MTDH: variants seen among roughly 807,000 people sequenced by gnomAD.
MTDH encodes the protein metadherin, also known as protein LYRIC.
Under a neutral mutation model 72.7 loss-of-function variants are expected in MTDH, and 34 were observed. That is an observed-to-expected ratio of 0.47 (90% CI 0.36 to 0.62). MTDH has a LOEUF of 0.62. Ranked by LOEUF, MTDH falls within the 20% of genes least tolerant of loss-of-function variation. MTDH has a pLI of 0.00. For synonymous variants in MTDH, 266 were observed against 268.9 expected (o/e 0.99, Z 0.10); for missense variants, 677 against 699.4 (o/e 0.97, Z 0.36).
chr8:97,644,716 C>G lies in MTDH; in HGVS notation c.210C>G (p.Gly70=). ...TGCTGCTGTTTCTGCTGGGCTACGG[C>G]TGGGCCGCGGCTTGCGCCGGCGCCC... ...GLLLLFLLGY[G]WAAACAGARK... Residue 70 remains glycine, a synonymous_variant, in exon 1 of 12, where the codon GGC becomes GGG. Coordinates refer to ENST00000336273, the MANE Select transcript of MTDH (RefSeq NM_178812.4). The G allele has an allele frequency of 6.3e-7, 1 of 1,591,280 alleles. No individual in the cohort carries two copies. The highest frequency in any genetic ancestry group is 8.5e-7 in the Non-Finnish European group (1 of 1,172,746).
chr8:97,649,949 ATTTCTTTTCT>A (rs752818540), intron 1 of MTDH, among the ~76,000 whole-genome samples: 24 of 143,564 alleles, frequency 1.7e-4, no homozygotes, highest in East Asian at 2.2e-4. Context: ...CTCTCTACCA[ATTTCTTTTCT>A]TTTCTTTTCT....
intron 2 of MTDH, among the ~76,000 whole-genome samples, chr8:97,682,591 G>T (rs561525831): frequency 1.2e-4 from 18 of 151,422 alleles, no homozygotes; most frequent in African/African-American, 4.1e-4. Context: ...GTGAGCCACC[G>T]CACCTGGCCT....
chr8:97,667,216 C>G (rs765423558), intron 2 of MTDH, among the ~76,000 whole-genome samples: 21 of 152,326 alleles, frequency 1.4e-4, no homozygotes, highest in Non-Finnish European at 2.4e-4. Flanking sequence ...AACTCCTCAG[C>G]TCAAAGCAGT....
chr8:97,673,635 G>A (rs1812722715), intron 2 of MTDH, among the ~76,000 whole-genome samples: 1 of 151,622 alleles, frequency 6.6e-6, no homozygotes, highest in South Asian at 2.1e-4. Flanking sequence ...ACTCCAGCCT[G>A]GGCAACAAGA....
Position 97,653,544 on chromosome 8 carries a change from G to A in MTDH, c.382-7528G>A, listed in dbSNP as rs117046941. ...CTTTTCATTCTGCCAGAGGCCTAAC[G>A]TAAAAGACCTTTAACAGTTCTGACA... On this transcript the variant is annotated intron_variant, in intron 1 of 11. Coordinates refer to ENST00000336273, the MANE Select transcript of MTDH (RefSeq NM_178812.4). 3.5e-4 allele frequency among the ~76,000 whole-genome samples: 53 copies of A among 152,266 alleles called. No individual in the cohort carries two copies. In the East Asian group the frequency reaches 8.9e-3, roughly 25 times the overall value.
intron 2 of MTDH, among the ~76,000 whole-genome samples, chr8:97,669,556 G>A (rs1812529050): frequency 6.6e-6 from 1 of 150,864 alleles, no homozygotes; most frequent in African/African-American, 2.4e-5. Flanking sequence ...CAGTCCCCCT[G>A]CAACTACTAA....
intron 6 of MTDH, among the ~76,000 whole-genome samples, chr8:97,693,026 C>T (rs1281746918): frequency 1.3e-5 from 2 of 152,138 alleles, no homozygotes; most frequent in African/African-American, 4.8e-5. Flanking sequence ...GCCACCACAC[C>T]TGGCCATGTT....
chr8:97,681,829 C>T lies in MTDH; in HGVS notation c.484-4839C>T, dbSNP rs560792736. Among the ~76,000 whole-genome samples, 9 of 152,080 alleles carry T rather than the reference C, an allele frequency of 5.9e-5. No homozygotes were observed. In the South Asian group the frequency reaches 1.9e-3, roughly 32 times the overall value. On this transcript the variant is annotated intron_variant, in intron 2 of 11. Coordinates refer to ENST00000336273, the MANE Select transcript of MTDH (RefSeq NM_178812.4). ...TCCTAATGTCTCACTTGCGTGTCATCCTCCTATTAGATGATAGCGCAGTTG... is the reference window on the plus strand; with the variant it reads ...TCCTAATGTCTCACTTGCGTGTCATTCTCCTATTAGATGATAGCGCAGTTG...
Position 97,729,694 on chromosome 8 carries a change from G to A in MTDH, c.*5024G>A, listed in dbSNP as rs188465331. Among the ~76,000 whole-genome samples the A allele has an allele frequency of 2.3e-3, 344 of 152,172 alleles. No individual in the cohort carries two copies. The highest frequency in any genetic ancestry group is 8.0e-3 in the African/African-American group (334 of 41,518). On this transcript the variant is annotated 3_prime_UTR_variant, in exon 12 of 12. Coordinates refer to ENST00000336273, the MANE Select transcript of MTDH (RefSeq NM_178812.4). ...TGTTTTTTTCTAGAGACAGAGTCTC[G>A]TTGCCCAGGCTGGTCTCCAATTCCT...
chr8:97,667,831 TAAAAAAAAA>T (rs542822923), intron 2 of MTDH, among the ~76,000 whole-genome samples: 3 of 116,310 alleles, frequency 2.6e-5, no homozygotes, highest in Admixed American at 9.4e-5. Flanking sequence ...GTCTCTATAT[TAAAAAAAAA>T]AAAAAAAAAA....
rs1815308728 is a variant in MTDH at position 97,725,247 on chromosome 8, A to T, written c.*577A>T. The T allele has an allele frequency of 6.6e-6, 1 of 152,670 alleles. No homozygotes were observed. Among genetic ancestry groups the T allele is most frequent in the Non-Finnish European group, 1.5e-5 (1 of 68,038 alleles). The allele number at this position is 152,670 out of a possible 1,614,324, so 9.5% of individuals were successfully genotyped here. A position where few individuals can be genotyped will look rare whatever the true frequency, so the allele number is the denominator to read the frequency against. ...GTCATGGTTTAGTTTACAATTTTTA[A>T]AAAGTTCTTAAAATACTGAAAATGC... On this transcript the variant is annotated 3_prime_UTR_variant, in exon 12 of 12. Coordinates refer to ENST00000336273, the MANE Select transcript of MTDH (RefSeq NM_178812.4).
At chr8:97,696,173 A>G in intron 6 of MTDH, 4 of 868,912 alleles carry the variant, frequency 4.6e-6, no homozygotes, top group Non-Finnish European at 5.5e-6. Flanking sequence ...TGCAAGTTGA[A>G]GGTTCCAAGT....
rs769945549 is a variant in MTDH, at chr8:97,719,183, T to C, written c.1515T>C (p.Asn505=). The change falls in exon 10 of 12, where the codon AAT becomes AAC. Residue 505 remains asparagine, a synonymous_variant. Transcript: ENST00000336273. ...ATCCAGCCGAAGTACTCGTCAAAAA[T>C]AGCCAGGTAATTTTTAAGAATAATA... The part of the protein sequence containing the change: ...TSDPAEVLVK[N]SQPIKTLPPA... 3 of 1,609,896 alleles carry C rather than the reference T, an allele frequency of 1.9e-6. No individual in the cohort carries two copies. In the South Asian group the frequency reaches 3.3e-5, roughly 18 times the overall value.
intron 2 of MTDH, among the ~76,000 whole-genome samples, chr8:97,671,022 G>A (rs1209297406): frequency 2.2e-5 from 3 of 137,446 alleles, no homozygotes; most frequent in Non-Finnish European, 4.6e-5. Context: ...GCGGACTGCA[G>A]TGGCGCAATC....
rs917752076 is a variant in MTDH, at chr8:97,725,979, C to T, written c.*1309C>T. 4 of 152,512 alleles carry T rather than the reference C, an allele frequency of 2.6e-5. No homozygotes were observed. The highest frequency in any genetic ancestry group is 4.4e-5 in the Non-Finnish European group (3 of 68,018). The allele number at this position is 152,512 out of a possible 1,614,324, so 9.4% of individuals were successfully genotyped here. ...AAAGAAAAAAAAGCCATGATTTATT[C>T]GATGTGATTGGCTTGTTTTTATGTG... On this transcript the variant is annotated 3_prime_UTR_variant, in exon 12 of 12. Transcript: ENST00000336273.
At chr8:97,675,334 G>A (rs1328642754) in intron 2 of MTDH, among the ~76,000 whole-genome samples, 2 of 151,974 alleles carry the variant, frequency 1.3e-5, no homozygotes, top group African/African-American at 4.8e-5. Flanking sequence ...GCTGAGGTGG[G>A]TAGATCACCT....
chr8:97,699,952 C>T, intron 7 of MTDH, 100 bp downstream of exon 7: 1 of 706,396 alleles, frequency 1.4e-6, no homozygotes, highest in Admixed American at 2.6e-5. Flanking sequence ...TAATTTCTCA[C>T]CTTTAAAGGT....
chr8:97,647,649 C>G (rs1016606505), intron 1 of MTDH, among the ~76,000 whole-genome samples: 20 of 152,188 alleles, frequency 1.3e-4, no homozygotes, highest in Non-Finnish European at 5.9e-5. Context: ...AAACTCTAAA[C>G]TTGAGTAAGG....
rs1294209934 is a variant in MTDH at position 97,727,733 on chromosome 8, G to T, written c.*3063G>T. Reference sequence around the variant, plus strand: ...GGTATCCTAGAGAAGCCACTCAAAAGGCTCCCTAATCCAGCCTGTCTCCAC... The same window carrying T: ...GGTATCCTAGAGAAGCCACTCAAAATGCTCCCTAATCCAGCCTGTCTCCAC... On this transcript the variant is annotated 3_prime_UTR_variant, in exon 12 of 12. Coordinates refer to ENST00000336273, the MANE Select transcript of MTDH (RefSeq NM_178812.4). 1.3e-5 allele frequency: 2 copies of T among 152,094 alleles called. No individual in the cohort carries two copies. The highest frequency in any genetic ancestry group is 3.9e-4 in the East Asian group (2 of 5,192). 9.4% of individuals were successfully genotyped at this position (152,094 alleles called of 1,614,324 possible).
Sources: allele counts gnomAD v4.1 joint callset (sites outside exome capture counted in the v4.1 genomes callset), GRCh38; gene constraint gnomAD v4.1.1; transcripts MANE v1.5; gene names NCBI Gene and HGNC (gene_info 2026-07-23, HGNC 2026-07-21).